Variants in BPTF observed in about 807,000 individuals in gnomAD.
BPTF encodes the protein bromodomain PHD finger transcription factor, also known as nucleosome-remodeling factor subunit BPTF.
BPTF carries 18 observed loss-of-function variants against 292.5 expected under a neutral mutation model. The observed-to-expected ratio is 0.06, with a 90% CI of 0.04 to 0.09. The LOEUF (loss-of-function observed/expected upper bound fraction) is 0.09, where lower values mean the gene tolerates loss of function less well. Among genes scored for constraint, BPTF ranks in the 10% least tolerant of loss-of-function variants. The pLI is 1.00. For synonymous variants in BPTF, 1,225 were observed against 1,251.9 expected, an observed-to-expected ratio of 0.98 and a Z score of 0.45; for missense variants, 2,726 against 3,498.7, an observed-to-expected ratio of 0.78 and a Z score of 5.57.
At chr17:67,955,131 A>C (rs1262368087) in intron 23 of BPTF, among the ~76,000 whole-genome samples, 1 of 152,024 alleles carries the variant, frequency 6.6e-6, no homozygotes, top group Non-Finnish European at 1.5e-5. Context: ...CTACTAAAAA[A>C]AATACAAAAA....
chr17:67,928,044 C>G (rs962990167), intron 15 of BPTF, among the ~76,000 whole-genome samples: 4 of 152,156 alleles, frequency 2.6e-5, no homozygotes, highest in African/African-American at 9.6e-5. Flanking sequence ...CCAGAATGCT[C>G]AGCTCATTTT....
intron 4 of BPTF, among the ~76,000 whole-genome samples, chr17:67,878,681 C>CGTGTGT (rs61427510): frequency 1.5e-4 from 23 of 149,952 alleles, no homozygotes; most frequent in African/African-American, 5.1e-4. Flanking sequence ...TTTATGTGTT[C>CGTGTGT]GTGTGTGTGT....
intron 2 of BPTF, among the ~76,000 whole-genome samples, chr17:67,863,996 T>A (rs925652365): frequency 2.0e-5 from 3 of 152,096 alleles, no homozygotes; most frequent in Non-Finnish European, 4.4e-5. Context: ...ACCCTATGAG[T>A]CCTTGAGAAT....
chr17:67,899,444 GAC>G (rs1480895010), intron 7 of BPTF, among the ~76,000 whole-genome samples: 1 of 152,006 alleles, frequency 6.6e-6, no homozygotes, highest in Non-Finnish European at 1.5e-5. Context: ...GTGACCCAGA[GAC>G]AAGTTTATAT....
At chr17:67,876,822 A>T (rs971167457) in intron 4 of BPTF, among the ~76,000 whole-genome samples, 1 of 70,846 alleles carries the variant, frequency 1.4e-5, no homozygotes, top group Admixed American at 1.4e-4. Flanking sequence ...GTAAAAAAAG[A>T]GAAAAAGAAA....
chr17:67,945,845 A>G lies in BPTF; in HGVS notation c.7137A>G (p.Pro2379=), dbSNP rs1225524924. ...TTTSQPIPIQ[P]HTSLQIPSQG... Reference sequence around the variant, plus strand: ...CCTCACAACCGATTCCAATTCAACCACATACATCTCTTCAGATACCTTCCC... The same window carrying G: ...CCTCACAACCGATTCCAATTCAACCGCATACATCTCTTCAGATACCTTCCC... The change falls in exon 21 of 28, where the codon CCA becomes CCG. Residue 2379 remains proline (P), a synonymous_variant. Transcript: ENST00000306378. 6.2e-7 allele frequency: 1 copy of G among 1,613,974 alleles called. No individual in the cohort carries two copies. Among genetic ancestry groups the G allele is most frequent in the African/African-American group, 1.3e-5 (1 of 74,888 alleles).
At chr17:67,866,791 T>A (rs2145478613) in intron 3 of BPTF, 104 bp downstream of exon 3, 1 of 805,880 alleles carries the variant, frequency 1.2e-6, no homozygotes, top group Middle Eastern at 2.4e-4. Flanking sequence ...TCAAGTACAG[T>A]CGTGCATTGC....
At chr17:67,833,574 T>C (rs1479572494) in intron 1 of BPTF, among the ~76,000 whole-genome samples, 2 of 151,864 alleles carry the variant, frequency 1.3e-5, no homozygotes, top group African/African-American at 2.4e-5. Flanking sequence ...TTAATTTCTT[T>C]CTTTTTTTTT....
At chr17:67,895,290 A>G (rs908370352) in intron 7 of BPTF, among the ~76,000 whole-genome samples, 10 of 135,286 alleles carry the variant, frequency 7.4e-5, no homozygotes, top group African/African-American at 2.3e-4. Context: ...CCGAGATTGC[A>G]CCACTGCACT....
At chr17:67,896,215 G>A (rs2061442054) in intron 7 of BPTF, among the ~76,000 whole-genome samples, 1 of 152,170 alleles carries the variant, frequency 6.6e-6, no homozygotes, top group Non-Finnish European at 1.5e-5. Context: ...GCCCGCCTTG[G>A]CCTCCCAAAG....
intron 18 of BPTF, among the ~76,000 whole-genome samples, chr17:67,935,379 A>G (rs142806061): frequency 0.027 from 4,137 of 152,234 alleles, 79 homozygotes; most frequent in South Asian, 0.1. Context: ...GTGAGCCACA[A>G]TCTTGCCACT....
intron 8 of BPTF, 86 bp downstream of exon 8, chr17:67,904,004 T>G: frequency 4.5e-6 from 5 of 1,115,690 alleles, no homozygotes; most frequent in Non-Finnish European, 6.4e-6. Context: ...TAATTTTATT[T>G]TTGACATAGT....
At chr17:67,939,950 C>T (rs2065235264) in intron 18 of BPTF, among the ~76,000 whole-genome samples, 1 of 152,242 alleles carries the variant, frequency 6.6e-6, no homozygotes, top group Non-Finnish European at 1.5e-5. Flanking sequence ...GCCTTCATGG[C>T]TCTCCCAAGC....
chr17:67,884,139 T>C (rs1476495694), intron 4 of BPTF, among the ~76,000 whole-genome samples: 2 of 64,670 alleles, frequency 3.1e-5, no homozygotes, highest in Middle Eastern at 0.014. Flanking sequence ...ATTTTCTTTC[T>C]TTTTTTTTTT....
At chr17:67,962,134 C>A (rs1264238893) in intron 24 of BPTF, among the ~76,000 whole-genome samples, 2 of 151,258 alleles carry the variant, frequency 1.3e-5, no homozygotes, top group Non-Finnish European at 3.0e-5. Flanking sequence ...TACAGCGAGA[C>A]AAAAGAAAAA....
intron 4 of BPTF, chr17:67,886,406 T>C (rs918994716): frequency 1.1e-6 from 1 of 913,312 alleles, no homozygotes; most frequent in Non-Finnish European, 1.5e-6. Context: ...TTTGCTTTTG[T>C]TTTTGTTTTT....
chr17:67,964,376 G>T lies in BPTF; in HGVS notation c.8426G>T (p.Gly2809Val), dbSNP rs1220910003. 1 of 1,613,880 alleles carries T rather than the reference G, an allele frequency of 6.2e-7. No individual in the cohort carries two copies. The highest frequency in any genetic ancestry group is 2.2e-5 in the East Asian group (1 of 44,880). The change falls in exon 25 of 28, where the codon GGG becomes GTG. Residue 2809 changes from glycine (G) to valine (V), a missense_variant. Around this residue, in one of 22 missense-constraint regions of BPTF, gnomAD observed 48 missense variants for 114.2 expected, o/e 0.42. Coordinates refer to ENST00000306378, the MANE Select transcript of BPTF (RefSeq NM_182641.4). ...LTPLTEKDYE[G>V]LKRVLRSLQA... ...CCACTAACAGAGAAGGATTATGAGG[G>T]GTTGAAGAGGGTGCTCCGTTCCTTA...
intron 23 of BPTF, chr17:67,955,641 A>G (rs1555680580): frequency 6.6e-6 from 1 of 151,920 alleles, no homozygotes; most frequent in Non-Finnish European, 1.5e-5. Flanking sequence ...AGCCTGGCTA[A>G]CAGGGCGAAA....
At chr17:67,869,241 A>G (rs913221628) in intron 3 of BPTF, among the ~76,000 whole-genome samples, 2 of 152,236 alleles carry the variant, frequency 1.3e-5, no homozygotes, top group African/African-American at 4.8e-5. Flanking sequence ...ATAGGATTTT[A>G]TAAAGTACAT....
Sources: allele counts gnomAD v4.1 joint callset (sites outside exome capture counted in the v4.1 genomes callset), GRCh38; gene constraint gnomAD v4.1.1; regional missense constraint gnomAD v4.1.1; transcripts MANE v1.5; gene names NCBI Gene and HGNC (gene_info 2026-07-23, HGNC 2026-07-21).